TTN: variants seen among roughly 807,000 people sequenced by gnomAD.
TTN encodes titin.
Under a neutral mutation model 3,223.0 loss-of-function variants are expected in TTN, and 1,525 were observed. The ratio of observed to expected loss-of-function variants is 0.47; its 90% CI spans 0.45 to 0.49. TTN has a LOEUF of 0.49. Among genes scored for constraint, TTN ranks in the 20% least tolerant of loss-of-function variants. The pLI, the probability that TTN is intolerant of heterozygous loss-of-function variation, is 0.00. For synonymous variants in TTN, 14,094 were observed against 15,161.0 expected (o/e 0.93, Z 5.17); for missense variants, 40,786 against 43,424.0 (o/e 0.94, Z 5.40).
rs1233185964 is a variant in TTN, at chr2:178,684,394, T to A, written c.32658A>T (p.Gln10886His). The stretch of plus-strand genomic sequence containing the variant: ...CAAGAACTTTTTCTTCCTGGGTAAT[T>A]TGCATGTGCCTCTCAGTCACTTAAA... The part of the protein sequence containing the change: ...LPAKVTERHM[Q>H]ITQEEKVLVA... Residue 10886 changes from glutamine to histidine, a missense_variant, in exon 132 of 363, where the codon CAA becomes CAT. Coordinates refer to ENST00000589042, the MANE Select transcript of TTN (RefSeq NM_001267550.2). 6.2e-7 allele frequency: 1 copy of A among 1,613,498 alleles called. No homozygotes were observed. The highest frequency in any genetic ancestry group is 1.3e-5 in the African/African-American group (1 of 74,886).
At position 178,558,547 on chromosome 2, in the gene TTN, C is replaced by A; in HGVS notation, c.86912G>T (p.Gly28971Val). The part of the protein sequence containing the change: ...LTWLKPEHDG[G>V]SRIVHYVVEA... Reference sequence around the variant, plus strand: ...AACGACATAGTGTACAATTCTGCTTCCGCCATCATGTTCAGGCTTCAGCCA... The same window carrying A: ...AACGACATAGTGTACAATTCTGCTTACGCCATCATGTTCAGGCTTCAGCCA... Residue 28971 changes from glycine to valine, a missense_variant, in exon 327 of 363, where the codon GGA becomes GTA. Gly to Val is a moderately radical substitution (Grantham distance 109, BLOSUM62 -3). Transcript: ENST00000589042. 1 of 1,613,800 alleles carries A rather than the reference C, an allele frequency of 6.2e-7. No individual in the cohort carries two copies. Among genetic ancestry groups the A allele is most frequent in the Non-Finnish European group, 8.5e-7 (1 of 1,179,796 alleles).
chr2:178,578,480 T>G, intron 321 of TTN, 131 bp downstream of exon 321: 2 of 687,988 alleles, frequency 2.9e-6, no homozygotes, highest in Non-Finnish European at 4.9e-6. Context: ...ATTAACCATA[T>G]GTACTGAAAT....
At chr2:178,803,347 G>C (rs1389916915) in intron 2 of TTN, among the ~76,000 whole-genome samples, 1 of 152,038 alleles carries the variant, frequency 6.6e-6, no homozygotes, top group Admixed American at 6.5e-5. Flanking sequence ...TTCTCAAGGA[G>C]GCAAATTCCC....
chr2:178,670,211 C>T lies in TTN; in HGVS notation c.35386+7G>A. The T allele has an allele frequency of 1.4e-6, 2 of 1,436,684 alleles. No homozygotes were observed. Among genetic ancestry groups the T allele is most frequent in the East Asian group, 2.6e-5 (1 of 37,992 alleles). The allele number at this position is 1,436,684 out of a possible 1,614,324, so 89.0% of individuals were successfully genotyped here. On this transcript the variant is annotated splice_region_variant and intron_variant, in intron 157 of 362. Coordinates refer to ENST00000589042, the MANE Select transcript of TTN (RefSeq NM_001267550.2). ...TATATTAATGATGAATGAGAAAAGCCAGTTACCTTTAGTTGGTGGAACTCT... is the reference window on the plus strand; with the variant it reads ...TATATTAATGATGAATGAGAAAAGCTAGTTACCTTTAGTTGGTGGAACTCT...
Position 178,580,209 on chromosome 2 carries a change from T to G in TTN, c.67078A>C (p.Asn22360His). The G allele has an allele frequency of 6.2e-7, 1 of 1,612,940 alleles. No individual in the cohort carries two copies. The highest frequency in any genetic ancestry group is 8.5e-7 in the Non-Finnish European group (1 of 1,179,416). Reference sequence around the variant, plus strand: ...TTGGATATTTCCTTAACAGTCACATTGACAGGTGGCCCAGGAGTATCTGGA... The same window carrying G: ...TTGGATATTTCCTTAACAGTCACATGGACAGGTGGCCCAGGAGTATCTGGA... ...KVLDTPGPPVNVTVKEISKDS... is the reference protein window; with the variant it reads ...KVLDTPGPPVHVTVKEISKDS... The change falls in exon 318 of 363, where the codon AAT becomes CAT. Residue 22360 changes from asparagine (N) to histidine (H), a missense_variant. Asn to His is a moderately conservative substitution (Grantham distance 68). Coordinates refer to ENST00000589042, the MANE Select transcript of TTN (RefSeq NM_001267550.2).
intron 288 of TTN, chr2:178,600,619 G>T: frequency 1.9e-6 from 1 of 536,366 alleles, no homozygotes; most frequent in Non-Finnish European, 3.3e-6. Context: ...GAAAATTACA[G>T]CGAGGAAATT....
rs371969664 is a variant in TTN at position 178,561,103 on chromosome 2, A to T, written c.85029T>A (p.Thr28343=). ...CATCATCTTTAACTATAATAGGCCC[A>T]GTGGATTCAGATGGCTCACTAACTG... The part of the protein sequence containing the change: ...ADSVSEPSES[T]GPIIVKDDVE... The change falls in exon 326 of 363, where the codon ACT becomes ACA. Residue 28343 remains threonine (T), a synonymous_variant. Transcript: ENST00000589042. The T allele has an allele frequency of 1.8e-5, 29 of 1,613,764 alleles. No homozygotes were observed. Among genetic ancestry groups the T allele is most frequent in the Non-Finnish European group, 2.4e-5 (28 of 1,179,826 alleles).
intron 273 of TTN, 53 bp from the exon 274 acceptor site, chr2:178,608,961 A>G (rs534387090): frequency 1.9e-6 from 3 of 1,573,064 alleles, no homozygotes; most frequent in Non-Finnish European, 2.6e-6. Flanking sequence ...AAGGGTTGCT[A>G]TGGAAAATAT....
chr2:178,672,294 A>T, intron 154 of TTN, 27 bp from the exon 155 acceptor site: 1 of 1,601,374 alleles, frequency 6.2e-7, no homozygotes, highest in South Asian at 1.1e-5. Flanking sequence ...TTTAAGACTT[A>T]TTTTTTTAAA....
At chr2:178,685,739 A>G in intron 127 of TTN, 141 bp from the exon 128 acceptor site, 1 of 733,812 alleles carries the variant, frequency 1.4e-6, no homozygotes, top group Non-Finnish European at 2.2e-6. Context: ...TATTTAAAAT[A>G]CTCAAAGAGC....
intron 41 of TTN, 95 bp downstream of exon 41, chr2:178,766,286 A>G: frequency 1.0e-6 from 1 of 1,002,778 alleles, no homozygotes; most frequent in Non-Finnish European, 1.6e-6. Flanking sequence ...TAGGTTCTTT[A>G]GAAATTTCCT....
Position 178,774,065 on chromosome 2 carries a change from C to A in TTN, c.7103G>T (p.Cys2368Phe). 6.2e-7 allele frequency: 1 copy of A among 1,614,066 alleles called. No individual in the cohort carries two copies. ...ILQGLSDQKV[C>F]EGDIVQLEVK... ...TTCAAGCTGAACAATGTCACCCTCA[C>A]AGACTTTTTGGTCACTAAGTCCTTG... Residue 2368 changes from cysteine (C) to phenylalanine (F), a missense_variant, in exon 31 of 363, where the codon TGT becomes TTT. Physicochemically the swap from Cys to Phe is radical, Grantham distance 205. Coordinates refer to ENST00000589042, the MANE Select transcript of TTN (RefSeq NM_001267550.2).
chr2:178,719,403 G>T lies in TTN; in HGVS notation c.23987C>A (p.Ala7996Asp). The T allele has an allele frequency of 6.2e-7, 1 of 1,613,508 alleles. No homozygotes were observed. The highest frequency in any genetic ancestry group is 8.5e-7 in the Non-Finnish European group (1 of 1,179,538). Residue 7996 changes from alanine (A) to aspartate (D), a missense_variant, in exon 83 of 363, where the codon GCC becomes GAC. Coordinates refer to ENST00000589042, the MANE Select transcript of TTN (RefSeq NM_001267550.2). ...CAAAACAACTGAGGCCCCCAGGATG[G>T]CATTCACGTCTTTCAGCTTGCGGAT... ...SFIRKLKDVNAILGASVVLEC... is the reference protein window; with the variant it reads ...SFIRKLKDVNDILGASVVLEC...
chr2:178,619,944 A>T (rs2058017021), intron 249 of TTN, 44 bp downstream of exon 249: 8 of 1,595,136 alleles, frequency 5.0e-6, no homozygotes, highest in Non-Finnish European at 6.0e-6. Context: ...TAACAATTTT[A>T]AAAAATTGGT....
chr2:178,614,976 A>T lies in TTN; in HGVS notation c.48639-8T>A. 6.3e-7 allele frequency: 1 copy of T among 1,586,468 alleles called. No individual in the cohort carries two copies. Among genetic ancestry groups the T allele is most frequent in the Non-Finnish European group, 8.6e-7 (1 of 1,161,846 alleles). Reference sequence around the variant, plus strand: ...AGACCTGTCACTTCCATTCTGTCAGAAAACAGAATAGGATGTTTTACTGTG... The same window carrying T: ...AGACCTGTCACTTCCATTCTGTCAGTAAACAGAATAGGATGTTTTACTGTG... On this transcript the variant is annotated splice_polypyrimidine_tract_variant and splice_region_variant and intron_variant, in intron 259 of 362. Coordinates refer to ENST00000589042, the MANE Select transcript of TTN (RefSeq NM_001267550.2).
chr2:178,551,200 T>C lies in TTN; in HGVS notation c.91331A>G (p.Asn30444Ser). ...ACTGCCTCCATCACGCAATGGTGGG[T>C]TCCATTTAAGTGTGATGGTTTCCCG... ...VTRETITLKWNPPLRDGGSKI... is the reference protein window; with the variant it reads ...VTRETITLKWSPPLRDGGSKI... Residue 30444 changes from asparagine (N) to serine (S), a missense_variant, in exon 336 of 363, where the codon AAC becomes AGC. Physicochemically the swap from Asn to Ser is conservative, Grantham distance 46 (BLOSUM62 1). Transcript: ENST00000589042. 1 of 1,613,526 alleles carries C rather than the reference T, an allele frequency of 6.2e-7. No individual in the cohort carries two copies. Among genetic ancestry groups the C allele is most frequent in the Non-Finnish European group, 8.5e-7 (1 of 1,179,664 alleles).
Position 178,725,860 on chromosome 2 carries a change from A to C in TTN, c.20462T>G (p.Leu6821Arg). 6.2e-7 allele frequency: 1 copy of C among 1,613,312 alleles called. No homozygotes were observed. Among genetic ancestry groups the C allele is most frequent in the Non-Finnish European group, 8.5e-7 (1 of 1,179,508 alleles). Residue 6821 changes from leucine to arginine, a missense_variant, in exon 70 of 363, where the codon CTC becomes CGC. Transcript: ENST00000589042. Reference sequence around the variant, plus strand: ...ACCGATGTCTGAAGTGTCCACATTGAGAATGTGAATACTTGTGTGGAAGTT... The same window carrying C: ...ACCGATGTCTGAAGTGTCCACATTGCGAATGTGAATACTTGTGTGGAAGTT... ...SKNFHTSIHI[L>R]NVDTSDIGEY...
rs1274232213 is a variant in TTN, at chr2:178,535,105, A to G, written c.101510T>C (p.Val33837Ala). Residue 33837 changes from valine (V) to alanine (A), a missense_variant, in exon 358 of 363, where the codon GTT becomes GCT. By Grantham distance (64) the Val-to-Ala change is moderately conservative (BLOSUM62 0). Transcript: ENST00000589042. ...RGEFGIVHRC[V>A]ETSSKKTYMA... The stretch of plus-strand genomic sequence containing the variant: ...GTATGTCTTCTTTGAGGATGTTTCA[A>G]CACAACGATGGACAATTCCAAACTC... 8 of 1,613,810 alleles carry G rather than the reference A, an allele frequency of 5.0e-6. No individual in the cohort carries two copies. Among genetic ancestry groups the G allele is most frequent in the Non-Finnish European group, 6.8e-6 (8 of 1,179,842 alleles).
chr2:178,700,987 A>G (rs1443029304), intron 111 of TTN, 133 bp downstream of exon 111: 5 of 630,152 alleles, frequency 7.9e-6, no homozygotes, highest in Non-Finnish European at 1.3e-5. Context: ...ATACTTTGAG[A>G]AAGTAATTTA....
Sources: gnomAD v4.1 joint callset for allele counts (sites outside exome capture counted in the v4.1 genomes callset) on GRCh38, gnomAD v4.1.1 for gene constraint, MANE v1.5 for transcripts, NCBI Gene and HGNC (gene_info 2026-07-23, HGNC 2026-07-21) for gene names.